The following CTNNA3 variants were observed in gnomAD, a reference collection of about 807,000 sequenced individuals.
CTNNA3 encodes the protein catenin alpha-3.
CTNNA3 carries 76 observed loss-of-function variants against 95.7 expected under a neutral mutation model. That is an observed-to-expected ratio of 0.79 (90% CI 0.66 to 0.96). The LOEUF is 0.96. Among genes scored for constraint, CTNNA3 ranks in the 40% least tolerant of loss-of-function variants. CTNNA3 has a pLI of 0.00. For synonymous variants in CTNNA3, 431 were observed against 374.4 expected, an observed-to-expected ratio of 1.15 and a Z score of -1.74; for missense variants, 1,191 against 1,089.8, an observed-to-expected ratio of 1.09 and a Z score of -1.31.
chr10:66,313,459 G>A (rs2092052191), intron 12 of CTNNA3, among the ~76,000 whole-genome samples: 1 of 152,138 alleles, frequency 6.6e-6, no homozygotes, highest in South Asian at 2.1e-4. Flanking sequence ...CTAAAGCTGG[G>A]AGATAAAACA....
chr10:66,906,552 G>A (rs1054433551), intron 7 of CTNNA3, among the ~76,000 whole-genome samples: 3 of 152,044 alleles, frequency 2.0e-5, no homozygotes, highest in African/African-American at 7.2e-5. Context: ...AGTCTTTCAA[G>A]TTTAAAGGAA....
chr10:67,579,297 T>C (rs918833149), intron 3 of CTNNA3, among the ~76,000 whole-genome samples: 4 of 146,810 alleles, frequency 2.7e-5, no homozygotes, highest in Non-Finnish European at 4.5e-5. Context: ...AGTGAGAACA[T>C]GCGGTCTTTG....
At chr10:66,924,812 G>GT (rs1483978074) in intron 7 of CTNNA3, among the ~76,000 whole-genome samples, 9 of 152,144 alleles carry the variant, frequency 5.9e-5, no homozygotes, top group Non-Finnish European at 1.3e-4. Flanking sequence ...GTGAGTTTTT[G>GT]TTTTTATGCC....
At chr10:67,005,912 C>T (rs2133011923) in intron 7 of CTNNA3, among the ~76,000 whole-genome samples, 1 of 151,914 alleles carries the variant, frequency 6.6e-6, no homozygotes, top group South Asian at 2.1e-4. Flanking sequence ...TCTCAAACTC[C>T]TGTTCTCAGG....
intron 9 of CTNNA3, among the ~76,000 whole-genome samples, chr10:66,700,524 G>C (rs912099370): frequency 2.6e-5 from 4 of 152,000 alleles, no homozygotes; most frequent in African/African-American, 9.7e-5. Flanking sequence ...ATAGTGTTTG[G>C]TTACTATTAC....
intron 7 of CTNNA3, among the ~76,000 whole-genome samples, chr10:66,909,646 A>C (rs530853450): frequency 8.1e-4 from 123 of 152,316 alleles, no homozygotes; most frequent in African/African-American, 2.8e-3. Context: ...ATCCATCTGC[A>C]ACACTTGTTA....
chr10:66,969,550 G>A (rs1849609915), intron 7 of CTNNA3, among the ~76,000 whole-genome samples: 1 of 152,010 alleles, frequency 6.6e-6, no homozygotes, highest in Non-Finnish European at 1.5e-5. Context: ...GCATCAAAAG[G>A]ACAGATTTAG....
chr10:66,968,711 G>A (rs2132814698), intron 7 of CTNNA3, among the ~76,000 whole-genome samples: 1 of 152,104 alleles, frequency 6.6e-6, no homozygotes, highest in African/African-American at 2.4e-5. Flanking sequence ...ATTTTTAATA[G>A]GTTAAATTTA....
At chr10:67,615,817 C>G (rs1400120542) in intron 2 of CTNNA3, among the ~76,000 whole-genome samples, 1 of 151,988 alleles carries the variant, frequency 6.6e-6, no homozygotes, top group African/African-American at 2.4e-5. Context: ...TGCCTGTCAC[C>G]ACGCCCAGCT....
intron 5 of CTNNA3, among the ~76,000 whole-genome samples, chr10:67,374,310 G>A (rs1398845967): frequency 6.6e-6 from 1 of 152,076 alleles, no homozygotes; most frequent in African/African-American, 2.4e-5. Context: ...AGCCAGATTT[G>A]GTCCAAGGGC....
intron 13 of CTNNA3, among the ~76,000 whole-genome samples, chr10:66,189,617 T>TATATATATATACAC (rs151078010): frequency 0.012 from 1,746 of 140,336 alleles, 57 homozygotes; most frequent in African/African-American, 0.047. Flanking sequence ...TATATATATA[T>TATATATATATACAC]ACACACATAC....
intron 9 of CTNNA3, among the ~76,000 whole-genome samples, chr10:66,753,284 T>C (rs1369391219): frequency 6.6e-6 from 1 of 152,188 alleles, no homozygotes; most frequent in Non-Finnish European, 1.5e-5. Context: ...ATGCTTTGTA[T>C]ATACAGCCCT....
chr10:66,907,898 C>CA (rs1030476469), intron 7 of CTNNA3, among the ~76,000 whole-genome samples: 1 of 151,948 alleles, frequency 6.6e-6, no homozygotes, highest in Admixed American at 6.6e-5. Flanking sequence ...AGGAACTGAC[C>CA]AAAAAAATTA....
intron 13 of CTNNA3, among the ~76,000 whole-genome samples, chr10:66,127,955 C>T (rs2082902087): frequency 6.6e-6 from 1 of 152,040 alleles, no homozygotes; most frequent in Admixed American, 6.6e-5. Flanking sequence ...GCCTGTAATC[C>T]CAGCTACTTG....
At chr10:66,639,433 AAAAGGAG>A (rs1345253735) in intron 9 of CTNNA3, among the ~76,000 whole-genome samples, 1 of 152,176 alleles carries the variant, frequency 6.6e-6, no homozygotes, top group African/African-American at 2.4e-5. Flanking sequence ...ATGATTTGAA[AAAAGGAG>A]AAATGGCAGT....
chr10:65,986,357 A>C (rs1299279645), intron 16 of CTNNA3, among the ~76,000 whole-genome samples: 1 of 151,328 alleles, frequency 6.6e-6, no homozygotes, highest in African/African-American at 2.4e-5. Flanking sequence ...TTTGATAAAA[A>C]AATTCAATAA....
At chr10:66,997,133 C>T (rs1052309434) in intron 7 of CTNNA3, among the ~76,000 whole-genome samples, 1 of 152,124 alleles carries the variant, frequency 6.6e-6, no homozygotes, top group Non-Finnish European at 1.5e-5. Flanking sequence ...CATCAAACAG[C>T]TTTTTCGTCT....
chr10:67,650,801 G>C (rs995807876), intron 1 of CTNNA3, among the ~76,000 whole-genome samples: 1 of 152,168 alleles, frequency 6.6e-6, no homozygotes, highest in Non-Finnish European at 1.5e-5. Context: ...GGCAGCAAAG[G>C]AGAGGGATGA....
intron 7 of CTNNA3, among the ~76,000 whole-genome samples, chr10:67,173,714 G>C (rs1469504633): frequency 6.6e-6 from 1 of 152,052 alleles, no homozygotes; most frequent in African/African-American, 2.4e-5. Context: ...CTATATTCCT[G>C]TCATTTCTAC....
Sources: allele counts gnomAD v4.1 joint callset (sites outside exome capture counted in the v4.1 genomes callset), GRCh38; gene constraint gnomAD v4.1.1; transcripts MANE v1.5; gene names NCBI Gene and HGNC (gene_info 2026-07-23, HGNC 2026-07-21).